TXNDC16: variants seen among roughly 807,000 people sequenced by gnomAD.
TXNDC16 encodes thioredoxin domain-containing protein 16.
In TXNDC16, 74 loss-of-function variants were observed where a neutral mutation model predicts 85.6. The ratio of observed to expected loss-of-function variants is 0.86; its 90% CI spans 0.72 to 1.05. The LOEUF (loss-of-function observed/expected upper bound fraction) is 1.05, where lower values mean the gene tolerates loss of function less well. TXNDC16 is among the 50% of genes least tolerant of loss of function. The probability of loss-of-function intolerance (pLI) is 0.00; values close to 1 mark genes in which losing one functional copy is unlikely to be tolerated. For missense variants in TXNDC16, 959 were observed against 947.0 expected, an observed-to-expected ratio of 1.01 and a Z score of -0.17; for synonymous variants, 335 against 326.5, an observed-to-expected ratio of 1.03 and a Z score of -0.28.
intron 16 of TXNDC16, among the ~76,000 whole-genome samples, chr14:52,467,114 GA>G (rs1261962254): frequency 1.8e-4 from 27 of 151,700 alleles, no homozygotes; most frequent in African/African-American, 6.3e-4. Flanking sequence ...CAATTAAACA[GA>G]CATATATCAC....
intron 9 of TXNDC16, 109 bp downstream of exon 9, chr14:52,511,131 T>C: frequency 5.5e-6 from 5 of 916,832 alleles, no homozygotes; most frequent in East Asian, 5.8e-5. Context: ...TAGTAAAACA[T>C]GCATCTATAA....
At position 52,539,970 on chromosome 14, in the gene TXNDC16, T is replaced by C. The variant is rs533039530; in HGVS notation, c.244-2298A>G. Among the ~76,000 whole-genome samples the C allele has an allele frequency of 2.0e-5, 3 of 152,334 alleles. No individual in the cohort carries two copies. In the South Asian group the frequency reaches 6.2e-4, roughly 32 times the overall value. ...AGGTCAAATTTTGTACTTTACGTTT[T>C]TTTTCTGATTTGTATGCTATAATTG... On this transcript the variant is annotated intron_variant, in intron 4 of 20. Coordinates refer to ENST00000281741, the MANE Select transcript of TXNDC16 (RefSeq NM_020784.3).
intron 18 of TXNDC16, among the ~76,000 whole-genome samples, chr14:52,452,510 G>C (rs2035435315): frequency 6.6e-6 from 1 of 152,086 alleles, no homozygotes; most frequent in Admixed American, 6.6e-5. Context: ...ACAGAATACA[G>C]AATGCAGAAA....
chr14:52,477,404 CAACT>C (rs558791912), intron 14 of TXNDC16, among the ~76,000 whole-genome samples: 35 of 152,212 alleles, frequency 2.3e-4, no homozygotes, highest in African/African-American at 6.3e-4. Flanking sequence ...ATTCACCAAC[CAACT>C]ATCTGCTACC....
At chr14:52,544,493 A>G (rs1246990758) in intron 1 of TXNDC16, 122 bp from the exon 2 acceptor site, 5 of 152,082 alleles carry the variant, frequency 3.3e-5, no homozygotes, top group Non-Finnish European at 5.9e-5. Context: ...TTTCAAATGC[A>G]AGCTCACTAT....
At chr14:52,434,546 G>C (rs759172397) in intron 20 of TXNDC16, among the ~76,000 whole-genome samples, 1 of 152,096 alleles carries the variant, frequency 6.6e-6, no homozygotes, top group Non-Finnish European at 1.5e-5. Context: ...CAGGGAACTG[G>C]GCCAAAGTTA....
At chr14:52,526,876 A>T (rs548810593) in intron 6 of TXNDC16, among the ~76,000 whole-genome samples, 1 of 152,210 alleles carries the variant, frequency 6.6e-6, no homozygotes, top group Non-Finnish European at 1.5e-5. Flanking sequence ...TTAATCAATC[A>T]TATCTACATA....
intron 4 of TXNDC16, among the ~76,000 whole-genome samples, chr14:52,540,855 TG>T (rs1404001376): frequency 6.6e-6 from 1 of 152,180 alleles, no homozygotes; most frequent in Non-Finnish European, 1.5e-5. Flanking sequence ...CACTGGGTGG[TG>T]GGAACTGAGC....
At chr14:52,480,883 A>C (rs1005362259) in intron 14 of TXNDC16, among the ~76,000 whole-genome samples, 2 of 151,090 alleles carry the variant, frequency 1.3e-5, no homozygotes, top group Non-Finnish European at 1.5e-5. Context: ...ACAATTTGCA[A>C]TTGCAAAAAC....
intron 14 of TXNDC16, among the ~76,000 whole-genome samples, chr14:52,475,311 G>A (rs1472438769): frequency 2.0e-5 from 3 of 152,160 alleles, no homozygotes; most frequent in Admixed American, 6.6e-5. Context: ...CAATCGAAGA[G>A]TCTCCTGGCC....
At position 52,544,736 on chromosome 14, in the gene TXNDC16, T is replaced by C. The variant is rs76161574; in HGVS notation, c.-181-365A>G. On this transcript the variant is annotated intron_variant, in intron 1 of 20. Coordinates refer to ENST00000281741, the MANE Select transcript of TXNDC16 (RefSeq NM_020784.3). ...AAATGAAGTAATTACTCATTGGTTA[T>C]TTCCTAATAATTCTGTTCTTCAGAG... Among the ~76,000 whole-genome samples the C allele has an allele frequency of 5.3e-3, 803 of 152,146 alleles. 5 individuals carry two copies. Among genetic ancestry groups the C allele is most frequent in the African/African-American group, 0.018 (754 of 41,558 alleles).
At chr14:52,480,453 A>G (rs1042762955) in intron 14 of TXNDC16, among the ~76,000 whole-genome samples, 1 of 152,284 alleles carries the variant, frequency 6.6e-6, no homozygotes, top group African/African-American at 2.4e-5. Flanking sequence ...AGAATCTACA[A>G]TGAACTCAAA....
intron 12 of TXNDC16, among the ~76,000 whole-genome samples, chr14:52,485,697 C>T (rs865944727): frequency 2.3e-4 from 35 of 152,086 alleles, no homozygotes; most frequent in African/African-American, 8.2e-4. Context: ...GTATTCAGTA[C>T]AGTAACATGC....
chr14:52,500,584 T>C (rs548884751), intron 9 of TXNDC16, among the ~76,000 whole-genome samples: 3 of 152,280 alleles, frequency 2.0e-5, no homozygotes, highest in Non-Finnish European at 2.9e-5. Flanking sequence ...TTTCAAATTG[T>C]GATGAGGGTA....
At chr14:52,537,999 T>C (rs1273171646) in intron 4 of TXNDC16, among the ~76,000 whole-genome samples, 1 of 152,196 alleles carries the variant, frequency 6.6e-6, no homozygotes, top group East Asian at 1.9e-4. Context: ...GATGAAAGCA[T>C]CTCAGCAAGT....
chr14:52,471,813 C>T (rs1566545774), intron 14 of TXNDC16, among the ~76,000 whole-genome samples: 1 of 151,644 alleles, frequency 6.6e-6, no homozygotes, highest in Non-Finnish European at 1.5e-5. Flanking sequence ...AGCAGAAATT[C>T]CTACTTGCTC....
In TXNDC16 at chr14:52,516,282, T is replaced by C. The variant is rs78079921; in HGVS notation, c.515-1312A>G. Among the ~76,000 whole-genome samples the C allele has an allele frequency of 4.8e-3, 730 of 152,308 alleles. 14 individuals are homozygous for C. The highest frequency in any genetic ancestry group is 0.039 in the Admixed American group (600 of 15,278). On this transcript the variant is annotated intron_variant, in intron 7 of 20. Coordinates refer to ENST00000281741, the MANE Select transcript of TXNDC16 (RefSeq NM_020784.3). ...ACCTTCCTGTGAGAGGACATATGAA[T>C]AGACAACTTTTGCAGTCCTGCACAT...
At chr14:52,537,693 G>A in intron 4 of TXNDC16, 21 bp from the exon 5 acceptor site, 1 of 1,417,808 alleles carries the variant, frequency 7.1e-7, no homozygotes, top group Admixed American at 1.7e-5. Context: ...GTATACTTAA[G>A]TTTTAGCATA....
chr14:52,532,961 CT>C (rs2037617738), intron 6 of TXNDC16, among the ~76,000 whole-genome samples: 1 of 152,300 alleles, frequency 6.6e-6, no homozygotes, highest in African/African-American at 2.4e-5. Context: ...TTATAAAACA[CT>C]GTATTACATA....
Sources: gnomAD v4.1 joint callset for allele counts (sites outside exome capture counted in the v4.1 genomes callset) on GRCh38, gnomAD v4.1.1 for gene constraint, MANE v1.5 for transcripts, NCBI Gene and HGNC (gene_info 2026-07-23, HGNC 2026-07-21) for gene names.